The following GIMAP6 variants were observed in gnomAD, a reference collection of about 807,000 sequenced individuals.
The protein encoded by GIMAP6 is GTPase, IMAP family member 6, also known as GTPase IMAP family member 6.
In GIMAP6, 6 loss-of-function variants were observed where a neutral mutation model predicts 9.3. That is an observed-to-expected ratio of 0.65 (90% CI 0.35 to 1.27). The LOEUF is 1.27. Among genes scored for constraint, GIMAP6 ranks in the 50% most tolerant of loss-of-function variants. GIMAP6 has a pLI of 0.03. For synonymous variants in GIMAP6, 156 were observed against 151.1 expected (o/e 1.03, Z -0.24); for missense variants, 333 against 359.5 (o/e 0.93, Z 0.60).
rs1294114898 is a variant in GIMAP6, at chr7:150,630,053, T to C, written c.85+5A>G. On this transcript the variant is annotated splice_donor_5th_base_variant and intron_variant, in intron 2 of 2. Coordinates refer to ENST00000328902, the MANE Select transcript of GIMAP6 (RefSeq NM_024711.6). ...CACTTGCTCCCCTCTCCTCATTCAT[T>C]TTACCTCCTGACAGCTCCAGCACAG... 6.3e-7 allele frequency: 1 copy of C among 1,587,932 alleles called. No individual in the cohort carries two copies. The highest frequency in any genetic ancestry group is 1.4e-5 in the African/African-American group (1 of 73,186).
chr7:150,630,408 G>A (rs1796372443), intron 1 of GIMAP6, among the ~76,000 whole-genome samples: 1 of 152,100 alleles, frequency 6.6e-6, no homozygotes. Flanking sequence ...ACAGATAAAG[G>A]TGCAACTGGC....
intron 2 of GIMAP6, among the ~76,000 whole-genome samples, chr7:150,629,697 G>C (rs1796359337): frequency 6.6e-6 from 1 of 152,122 alleles, no homozygotes. Flanking sequence ...AGGGTCTGTT[G>C]GCATCCAAGC....
chr7:150,632,311 A>G lies in GIMAP6; in HGVS notation c.-143T>C, dbSNP rs1346258714. Reference sequence around the variant, plus strand: ...CGATGTTTGCTTATATTTTCAGCAAAATGTTTTCAGAGAGCTGGGCTGGAG... The same window carrying G: ...CGATGTTTGCTTATATTTTCAGCAAGATGTTTTCAGAGAGCTGGGCTGGAG... On this transcript the variant is annotated 5_prime_UTR_variant, in exon 1 of 3. Transcript: ENST00000328902. The G allele has an allele frequency of 6.6e-6, 1 of 152,160 alleles. No individual in the cohort carries two copies. Among genetic ancestry groups the G allele is most frequent in the African/African-American group, 2.4e-5 (1 of 41,426 alleles). The allele number at this position is 152,160 out of a possible 1,614,324, so 9.4% of individuals were successfully genotyped here.
At chr7:150,631,007 G>A (rs768328770) in intron 1 of GIMAP6, among the ~76,000 whole-genome samples, 2 of 152,116 alleles carry the variant, frequency 1.3e-5, no homozygotes, top group Non-Finnish European at 2.9e-5. Context: ...GGTTCTCTCT[G>A]CTGGATTTTC....
In GIMAP6 at chr7:150,627,814, C is replaced by G; in HGVS notation, c.784G>C (p.Val262Leu). The G allele has an allele frequency of 1.2e-6, 2 of 1,614,246 alleles. No individual in the cohort carries two copies. Among genetic ancestry groups the G allele is most frequent in the South Asian group, 1.1e-5 (1 of 91,088 alleles). The stretch of plus-strand genomic sequence containing the variant: ...TCCAGCCAAGACTCCTCACCAGGCA[C>G]GTCCTCAGAGCCTTGGCCCTGGCTT... ...QVSQGQGSEDVPGEESWLEGL... is the reference protein window; with the variant it reads ...QVSQGQGSEDLPGEESWLEGL... Residue 262 changes from valine (V) to leucine (L), a missense_variant, in exon 3 of 3, where the codon GTG becomes CTG. Physicochemically the swap from Val to Leu is conservative, Grantham distance 32. Coordinates refer to ENST00000328902, the MANE Select transcript of GIMAP6 (RefSeq NM_024711.6).
At position 150,630,146 on chromosome 7, in the gene GIMAP6, C is replaced by CA. The variant is rs58764098; in HGVS notation, c.1-5dup. 0.026 allele frequency: 23,752 copies of CA among 927,892 alleles called. 32 individuals are homozygous for CA. Among genetic ancestry groups the CA allele is most frequent in the South Asian group, 0.034 (1,389 of 40,880 alleles). 57.5% of individuals were successfully genotyped at this position (927,892 alleles called of 1,614,324 possible). On this transcript the variant is annotated splice_polypyrimidine_tract_variant and splice_region_variant and intron_variant, in intron 1 of 2. Transcript: ENST00000328902. ...GTTCATATTCTTCTTCCTCCATCTA[C>CA]AAAAAAAAAAAAAAAAAAAAAATCA...
chr7:150,628,166 C>A lies in GIMAP6; in HGVS notation c.432G>T (p.Arg144Ser). Residue 144 changes from arginine (R) to serine (S), a missense_variant, in exon 3 of 3, where the codon AGG (arginine) becomes AGT (serine). Arg to Ser is a moderately radical substitution (Grantham distance 110, BLOSUM62 -1). Coordinates refer to ENST00000328902, the MANE Select transcript of GIMAP6 (RefSeq NM_024711.6). ...CCACTCCAAAGACCTCCTGCAGGCGCCTGACCACCTGCTGATCCTCATCCG... is the reference window on the plus strand; with the variant it reads ...CCACTCCAAAGACCTCCTGCAGGCGACTGACCACCTGCTGATCCTCATCCG... ...RFTDEDQQVV[R>S]RLQEVFGVGV... is the part of the protein sequence containing the mutation. 6.2e-7 allele frequency: 1 copy of A among 1,614,250 alleles called. No individual in the cohort carries two copies. Among genetic ancestry groups the A allele is most frequent in the Non-Finnish European group, 8.5e-7 (1 of 1,180,044 alleles).
Position 150,627,981 on chromosome 7 carries a change from T to TC in GIMAP6, c.616dup (p.Glu206GlyfsTer15). On this transcript the variant is annotated frameshift_variant, in exon 3 of 3. Coordinates refer to ENST00000328902, the MANE Select transcript of GIMAP6 (RefSeq NM_024711.6). LOFTEE classifies it low-confidence loss of function (END_TRUNC). The stretch of plus-strand genomic sequence containing the variant: ...CTCTCGCAGTTGGGCCTCCTGCTCC[T>TC]CCCCCTGTGCCCTGTTGTTGAAGCC... The TC allele has an allele frequency of 6.2e-7, 1 of 1,614,214 alleles. No homozygotes were observed.
chr7:150,626,015 C>T lies in GIMAP6; in HGVS notation c.*1704G>A, dbSNP rs1796286218. 1 of 152,242 alleles carries T rather than the reference C, an allele frequency of 6.6e-6. No homozygotes were observed. The highest frequency in any genetic ancestry group is 1.5e-5 in the Non-Finnish European group (1 of 68,042). 9.4% of individuals were successfully genotyped at this position (152,242 alleles called of 1,614,324 possible). ...TAAGTGATTGTGGCACAAAGGCTGT[C>T]TTCAGCAAACACCAAATAACTCTGT... On this transcript the variant is annotated 3_prime_UTR_variant, in exon 3 of 3. Transcript: ENST00000328902.
At chr7:150,629,555 G>C (rs913325671) in intron 2 of GIMAP6, among the ~76,000 whole-genome samples, 3 of 152,140 alleles carry the variant, frequency 2.0e-5, no homozygotes, top group Non-Finnish European at 4.4e-5. Context: ...AATGGCTTTT[G>C]GGAAAGGGAC....
At chr7:150,630,868 C>A (rs960827437) in intron 1 of GIMAP6, among the ~76,000 whole-genome samples, 3 of 152,196 alleles carry the variant, frequency 2.0e-5, no homozygotes, top group African/African-American at 7.2e-5. Flanking sequence ...TTTTTTAGAG[C>A]AATTCTTAGT....
At chr7:150,630,239 A>G (rs903428524) in intron 1 of GIMAP6, 97 bp from the exon 2 acceptor site, 1 of 989,762 alleles carries the variant, frequency 1.0e-6, no homozygotes. Flanking sequence ...TTGCCAGAGG[A>G]AAGTTTTTTG....
rs776667788 is a variant in GIMAP6, at chr7:150,628,250, G to A, written c.348C>T (p.Ile116=). 53 of 1,614,038 alleles carry A rather than the reference G, an allele frequency of 3.3e-5. No homozygotes were observed. Among genetic ancestry groups the A allele is most frequent in the Middle Eastern group, 3.3e-4 (2 of 6,082 alleles). The part of the protein sequence containing the change: ...PEVADAICQA[I]VLSAPGPHAV... ...CGTGGGGCCCTGGGGCGGATAAGAC[G>A]ATGGCTTGGCAGATAGCGTCTGCCA... Residue 116 remains isoleucine, a synonymous_variant, in exon 3 of 3, where the codon ATC becomes ATT. Coordinates refer to ENST00000328902, the MANE Select transcript of GIMAP6 (RefSeq NM_024711.6).
chr7:150,629,379 C>T (rs1157676967), intron 2 of GIMAP6, among the ~76,000 whole-genome samples: 1 of 152,194 alleles, frequency 6.6e-6, no homozygotes, highest in African/African-American at 2.4e-5. Flanking sequence ...TGGCTCAGGC[C>T]ATTTAAGTTC....
At chr7:150,631,497 T>C (rs1337906506) in intron 1 of GIMAP6, among the ~76,000 whole-genome samples, 1 of 152,220 alleles carries the variant, frequency 6.6e-6, no homozygotes, top group East Asian at 1.9e-4. Flanking sequence ...CTGGTGGAAA[T>C]TGAGGCAGCA....
rs1467693847 is a variant in GIMAP6, at chr7:150,626,658, T to C, written c.*1061A>G. ...AAGATGTTTAAGTCACTCTACTGCT[T>C]CCTTTGCAGGCCCCCTTTCTTCCCT... On this transcript the variant is annotated 3_prime_UTR_variant, in exon 3 of 3. Transcript: ENST00000328902. The C allele has an allele frequency of 2.0e-5, 3 of 152,314 alleles. No homozygotes were observed. Among genetic ancestry groups the C allele is most frequent in the Non-Finnish European group, 2.9e-5 (2 of 68,128 alleles). 9.4% of individuals were successfully genotyped at this position (152,314 alleles called of 1,614,324 possible).
At position 150,632,257 on chromosome 7, in the gene GIMAP6, A is replaced by C. The variant is rs1796404910; in HGVS notation, c.-89T>G. The C allele has an allele frequency of 6.6e-5, 10 of 152,326 alleles. No homozygotes were observed. The highest frequency in any genetic ancestry group is 6.5e-4 in the Admixed American group (10 of 15,286). The allele number at this position is 152,326 out of a possible 1,614,324, so 9.4% of individuals were successfully genotyped here. A position where few individuals can be genotyped will look rare whatever the true frequency, so the allele number is the denominator to read the frequency against. ...ACGGAGGAGGCAGAGAAAAGCTTCCACAGTGTATGAACACAAGGAGGACAA... is the reference window on the plus strand; with the variant it reads ...ACGGAGGAGGCAGAGAAAAGCTTCCCCAGTGTATGAACACAAGGAGGACAA... On this transcript the variant is annotated 5_prime_UTR_variant, in exon 1 of 3. Transcript: ENST00000328902.
At position 150,628,434 on chromosome 7, in the gene GIMAP6, G is replaced by A; in HGVS notation, c.164C>T (p.Ala55Val). The change falls in exon 3 of 3, where the codon GCA becomes GTA. Residue 55 changes from alanine to valine, a missense_variant. By Grantham distance (64) the Ala-to-Val change is moderately conservative. Coordinates refer to ENST00000328902, the MANE Select transcript of GIMAP6 (RefSeq NM_024711.6). ...LMGKTGSGKS[A>V]TGNSILGRDV... The stretch of plus-strand genomic sequence containing the variant: ...CCTGCCGAGGATGCTGTTTCCTGTT[G>A]CACTCTTCCCACTCCCTGTTTTCCC... 1 of 1,614,170 alleles carries A rather than the reference G, an allele frequency of 6.2e-7. No individual in the cohort carries two copies. Among genetic ancestry groups the A allele is most frequent in the Non-Finnish European group, 8.5e-7 (1 of 1,180,026 alleles).
At chr7:150,628,881 G>T in intron 2 of GIMAP6, 3 of 616,214 alleles carry the variant, frequency 4.9e-6, no homozygotes, top group Non-Finnish European at 7.9e-6. Flanking sequence ...GTAATAGCTG[G>T]TTTCCCAGTC....
Sources: allele counts gnomAD v4.1 joint callset (sites outside exome capture counted in the v4.1 genomes callset), GRCh38; gene constraint gnomAD v4.1.1; transcripts MANE v1.5; gene names NCBI Gene and HGNC (gene_info 2026-07-23, HGNC 2026-07-21).